XPR1: variants seen among roughly 807,000 people sequenced by gnomAD.
XPR1 encodes the protein solute carrier family 53 member 1.
In XPR1, 28 loss-of-function variants were observed where a neutral mutation model predicts 87.5. The ratio of observed to expected loss-of-function variants is 0.32; its 90% CI spans 0.24 to 0.44. XPR1 has a LOEUF of 0.44. Ranked by LOEUF, XPR1 falls within the 20% of genes least tolerant of loss-of-function variation. The pLI is 1.00. For missense variants in XPR1, 559 were observed against 862.3 expected (o/e 0.65, Z 4.41); for synonymous variants, 300 against 306.1 (o/e 0.98, Z 0.21).
chr1:180,714,077 G>C (rs1041263454), intron 2 of XPR1, among the ~76,000 whole-genome samples: 1 of 152,088 alleles, frequency 6.6e-6, no homozygotes, highest in African/African-American at 2.4e-5. Context: ...TTGATAGTTG[G>C]TATCTTTCAA....
chr1:180,825,091 A>G (rs1650779596), intron 8 of XPR1, 74 bp from the exon 9 acceptor site: 1 of 1,520,758 alleles, frequency 6.6e-7, no homozygotes, highest in Non-Finnish European at 8.8e-7. Context: ...GTTTTATTAA[A>G]GATATTTTAA....
At chr1:180,732,412 A>G (rs1410420967) in intron 2 of XPR1, among the ~76,000 whole-genome samples, 1 of 152,212 alleles carries the variant, frequency 6.6e-6, no homozygotes, top group African/African-American at 2.4e-5. Flanking sequence ...GTTTTGTATT[A>G]GATAATATTC....
intron 2 of XPR1, among the ~76,000 whole-genome samples, chr1:180,707,204 T>A (rs950234149): frequency 1.3e-5 from 2 of 152,220 alleles, no homozygotes; most frequent in Non-Finnish European, 2.9e-5. Context: ...TAAAAAACTT[T>A]TAAGTTCAGA....
At chr1:180,689,395 C>T (rs1268231700) in intron 2 of XPR1, among the ~76,000 whole-genome samples, 1 of 152,104 alleles carries the variant, frequency 6.6e-6, no homozygotes, top group Non-Finnish European at 1.5e-5. Context: ...TTTTTTAAAA[C>T]ATTACTTTGA....
intron 1 of XPR1, among the ~76,000 whole-genome samples, chr1:180,661,487 G>GTA (rs1182547084): frequency 3.8e-4 from 30 of 79,132 alleles, no homozygotes; most frequent in Middle Eastern, 7.0e-3. Flanking sequence ...GTGTGTGTGT[G>GTA]TGTGTGTGTG....
At chr1:180,719,380 CTGA>C (rs1658105962) in intron 2 of XPR1, among the ~76,000 whole-genome samples, 2 of 152,136 alleles carry the variant, frequency 1.3e-5, no homozygotes, top group East Asian at 3.8e-4. Context: ...TAAAATGTGA[CTGA>C]TGATATTGGC....
At chr1:180,737,388 T>G (rs1658761310) in intron 2 of XPR1, among the ~76,000 whole-genome samples, 2 of 152,110 alleles carry the variant, frequency 1.3e-5, no homozygotes. Context: ...CTATTTTCCC[T>G]TCTTTATTTT....
intron 2 of XPR1, among the ~76,000 whole-genome samples, chr1:180,729,392 A>G (rs4652525): frequency 0.35 from 52,778 of 151,972 alleles, 9,579 homozygotes; most frequent in Non-Finnish European, 0.39. Flanking sequence ...TTAAGTGGCA[A>G]CGGTAGTTCT....
intron 2 of XPR1, among the ~76,000 whole-genome samples, chr1:180,714,395 C>G (rs983191601): frequency 1.5e-5 from 2 of 135,356 alleles, no homozygotes; most frequent in East Asian, 2.5e-4. Context: ...CTCTCTCTCT[C>G]TCTCTCTGTC....
At chr1:180,749,452 A>T (rs1647429165) in intron 2 of XPR1, among the ~76,000 whole-genome samples, 1 of 152,018 alleles carries the variant, frequency 6.6e-6, no homozygotes, top group African/African-American at 2.4e-5. Context: ...TTCAGATTGG[A>T]CCTATACTCA....
chr1:180,813,167 G>A (rs78474969), intron 7 of XPR1, among the ~76,000 whole-genome samples: 6,524 of 150,908 alleles, frequency 0.043, 502 homozygotes, highest in African/African-American at 0.15. Context: ...ACCTCTGTGG[G>A]CCTTTCCGAT....
intron 1 of XPR1, among the ~76,000 whole-genome samples, chr1:180,638,893 T>G (rs1654872237): frequency 6.6e-6 from 1 of 152,212 alleles, no homozygotes; most frequent in African/African-American, 2.4e-5. Context: ...TTTTGTAACT[T>G]AAGTTATATT....
chr1:180,790,126 A>G (rs1649319127), intron 3 of XPR1, among the ~76,000 whole-genome samples: 1 of 152,168 alleles, frequency 6.6e-6, no homozygotes, highest in East Asian at 1.9e-4. Context: ...ATGGTATTAT[A>G]TCTGCATCTC....
At chr1:180,804,059 C>T (rs921997554) in intron 4 of XPR1, among the ~76,000 whole-genome samples, 1 of 151,708 alleles carries the variant, frequency 6.6e-6, no homozygotes, top group African/African-American at 2.4e-5. Context: ...GATCTCGGCT[C>T]ACTGCAACCT....
rs368572705 is a variant in XPR1 at position 180,656,509 on chromosome 1, T to TATA, written c.69+24239_69+24240insATA. Among the ~76,000 whole-genome samples the TATA allele has an allele frequency of 1.0e-3, 5 of 4,852 alleles. 1 individual carries two copies. Among genetic ancestry groups the TATA allele is most frequent in the Non-Finnish European group, 2.0e-3 (4 of 2,004 alleles). The allele number at this position is 4,852 out of a possible 152,430, so 3.2% of individuals were successfully genotyped here. ...TAATATTTATATATTATATATAATATTTATATATAATATTTATATATTATA... is the reference window on the plus strand; with the variant it reads ...TAATATTTATATATTATATATAATATATATTATATATAATATTTATATATTATA... On this transcript the variant is annotated intron_variant, in intron 1 of 14. Transcript: ENST00000367590.
At chr1:180,820,892 T>G (rs1650604200) in intron 7 of XPR1, among the ~76,000 whole-genome samples, 1 of 152,202 alleles carries the variant, frequency 6.6e-6, no homozygotes, top group African/African-American at 2.4e-5. Flanking sequence ...ATCCAGGTTC[T>G]TAGCCCTATT....
intron 13 of XPR1, among the ~76,000 whole-genome samples, chr1:180,879,858 C>T (rs1379639909): frequency 6.6e-6 from 1 of 152,142 alleles, no homozygotes; most frequent in Non-Finnish European, 1.5e-5. Context: ...TCTAAAACTG[C>T]ATTGCATAAG....
intron 11 of XPR1, among the ~76,000 whole-genome samples, chr1:180,843,752 A>T (rs936098657): frequency 6.6e-6 from 1 of 151,640 alleles, no homozygotes; most frequent in Non-Finnish European, 1.5e-5. Context: ...TGGTAGTCTT[A>T]TCTCTAGTCA....
intron 2 of XPR1, among the ~76,000 whole-genome samples, chr1:180,733,844 A>G (rs1329178254): frequency 2.0e-5 from 3 of 152,204 alleles, no homozygotes; most frequent in Non-Finnish European, 4.4e-5. Context: ...GATGTTTTTG[A>G]GGGAAGGTTG....
Sources: allele counts gnomAD v4.1 joint callset (sites outside exome capture counted in the v4.1 genomes callset), GRCh38; gene constraint gnomAD v4.1.1; transcripts MANE v1.5; gene names NCBI Gene and HGNC (gene_info 2026-07-23, HGNC 2026-07-21).